KHDRBS2: variants seen among roughly 807,000 people sequenced by gnomAD.
The protein encoded by KHDRBS2 is KH domain-containing, RNA-binding, signal transduction-associated protein 2.
A neutral mutation model predicts 44.3 loss-of-function variants in KHDRBS2; 26 were observed. The ratio of observed to expected loss-of-function variants is 0.59; its 90% CI spans 0.43 to 0.81. KHDRBS2 has a LOEUF of 0.81. Among genes scored for constraint, KHDRBS2 ranks in the 40% least tolerant of loss-of-function variants. KHDRBS2 has a pLI of 0.00. For synonymous variants in KHDRBS2, 194 were observed against 151.1 expected (o/e 1.28, Z -2.08); for missense variants, 476 against 433.1 (o/e 1.10, Z -0.88).
intron 3 of KHDRBS2, among the ~76,000 whole-genome samples, chr6:62,014,910 T>C (rs16868805): frequency 0.14 from 21,571 of 152,144 alleles, 2,024 homozygotes; most frequent in East Asian, 0.26. Flanking sequence ...GGAAGATTCT[T>C]AATACACAAA....
At chr6:61,873,705 A>G (rs1468048200) in intron 6 of KHDRBS2, among the ~76,000 whole-genome samples, 12 of 151,948 alleles carry the variant, frequency 7.9e-5, no homozygotes, top group Admixed American at 7.9e-4. Flanking sequence ...TGATATTTTC[A>G]TTAGTGAAAA....
At chr6:61,979,906 C>A (rs980909863) in intron 3 of KHDRBS2, among the ~76,000 whole-genome samples, 1 of 152,028 alleles carries the variant, frequency 6.6e-6, no homozygotes, top group Non-Finnish European at 1.5e-5. Context: ...CTATTACTTC[C>A]TATGTTGATT....
intron 2 of KHDRBS2, among the ~76,000 whole-genome samples, chr6:62,133,336 T>C (rs1810782587): frequency 6.6e-6 from 1 of 152,178 alleles, no homozygotes; most frequent in Non-Finnish European, 1.5e-5. Context: ...TCATGAGATC[T>C]GATAGTTTTA....
At chr6:61,804,678 C>A (rs1786849939) in intron 6 of KHDRBS2, among the ~76,000 whole-genome samples, 5 of 152,200 alleles carry the variant, frequency 3.3e-5, no homozygotes, top group Admixed American at 3.3e-4. Context: ...GACCTGCAGT[C>A]CCCACACATG....
At chr6:61,746,032 AT>A (rs745482290) in intron 6 of KHDRBS2, among the ~76,000 whole-genome samples, 2 of 149,398 alleles carry the variant, frequency 1.3e-5, no homozygotes, top group Non-Finnish European at 3.0e-5. Context: ...TCCCAAAAAG[AT>A]TTTATTTTAT....
At chr6:62,136,383 G>A (rs1229855257) in intron 2 of KHDRBS2, among the ~76,000 whole-genome samples, 5 of 152,150 alleles carry the variant, frequency 3.3e-5, no homozygotes, top group Admixed American at 1.3e-4. Flanking sequence ...AGCTGAACAC[G>A]AGGCAGTTTC....
chr6:62,033,412 T>C (rs978246390), intron 3 of KHDRBS2, among the ~76,000 whole-genome samples: 19 of 151,902 alleles, frequency 1.3e-4, no homozygotes, highest in African/African-American at 4.1e-4. Flanking sequence ...TGAAGGCATT[T>C]AATAATTAAA....
intron 4 of KHDRBS2, among the ~76,000 whole-genome samples, chr6:61,911,390 C>A (rs1297180124): frequency 1.3e-5 from 2 of 151,900 alleles, no homozygotes; most frequent in Non-Finnish European, 2.9e-5. Context: ...AGTTAAAGTG[C>A]ATGTAGATGA....
chr6:61,718,512 T>C (rs1771815157), intron 7 of KHDRBS2, among the ~76,000 whole-genome samples: 1 of 152,104 alleles, frequency 6.6e-6, no homozygotes, highest in Non-Finnish European at 1.5e-5. Context: ...CTTGCCTCCA[T>C]CCTGTTCTCT....
At chr6:61,723,122 A>G (rs1372752451) in intron 7 of KHDRBS2, among the ~76,000 whole-genome samples, 2 of 151,924 alleles carry the variant, frequency 1.3e-5, no homozygotes, top group South Asian at 2.1e-4. Context: ...CAAGCAAACC[A>G]CAGCAGGACT....
chr6:61,841,375 A>ATGT (rs1793574552), intron 6 of KHDRBS2, among the ~76,000 whole-genome samples: 1 of 151,878 alleles, frequency 6.6e-6, no homozygotes, highest in Admixed American at 6.6e-5. Flanking sequence ...TATGACATAA[A>ATGT]ATAATTCAAC....
chr6:61,916,480 A>C (rs1437773731), intron 4 of KHDRBS2, among the ~76,000 whole-genome samples: 1 of 152,044 alleles, frequency 6.6e-6, no homozygotes, highest in Non-Finnish European at 1.5e-5. Flanking sequence ...AGTATTACAA[A>C]GGAACTTTTA....
At chr6:61,577,786 TG>T in the KHDRBS2 span, among the ~76,000 whole-genome samples, 1 of 152,212 alleles carries the variant, frequency 6.6e-6, no homozygotes. Context: ...GTAACTGTTC[TG>T]GGGCAGCTAA....
rs536414065 is a variant in KHDRBS2, at chr6:61,956,806, A to G, written c.483+21260T>C. On this transcript the variant is annotated intron_variant, in intron 4 of 8. Transcript: ENST00000281156. Reference sequence around the variant, plus strand: ...ATCTGTGCCTTAAACACGTTTTAAAATGCAAACAAATAATATCTCATTTGA... The same window carrying G: ...ATCTGTGCCTTAAACACGTTTTAAAGTGCAAACAAATAATATCTCATTTGA... Among the ~76,000 whole-genome samples, 7 of 152,288 alleles carry G rather than the reference A, an allele frequency of 4.6e-5. No individual in the cohort carries two copies. In the South Asian group the frequency reaches 1.5e-3, roughly 32 times the overall value.
intron 2 of KHDRBS2, among the ~76,000 whole-genome samples, chr6:62,065,458 A>T (rs1793383601): frequency 6.6e-6 from 1 of 152,008 alleles, no homozygotes; most frequent in African/African-American, 2.4e-5. Context: ...CACCCATAAA[A>T]AATGATGAGT....
At chr6:61,921,796 C>T (rs1241043222) in intron 4 of KHDRBS2, among the ~76,000 whole-genome samples, 1 of 151,948 alleles carries the variant, frequency 6.6e-6, no homozygotes, top group African/African-American at 2.4e-5. Context: ...CATTCTATTA[C>T]ATGGTTCCTT....
intron 1 of KHDRBS2, among the ~76,000 whole-genome samples, chr6:62,190,555 C>T (rs1034252240): frequency 6.6e-6 from 1 of 152,062 alleles, no homozygotes; most frequent in Admixed American, 6.6e-5. Context: ...TCACCCATTG[C>T]GATAATACAC....
chr6:61,950,382 A>G (rs1294022269), intron 4 of KHDRBS2, among the ~76,000 whole-genome samples: 4 of 152,004 alleles, frequency 2.6e-5, no homozygotes, highest in Non-Finnish European at 5.9e-5. Context: ...CTCAATTAAG[A>G]TAGTAGAATG....
the KHDRBS2 span, among the ~76,000 whole-genome samples, chr6:61,595,303 G>A: frequency 6.6e-6 from 1 of 152,012 alleles, no homozygotes; most frequent in South Asian, 2.1e-4. Flanking sequence ...CAACAACCAA[G>A]ATTTAGAAAC....
Sources: gnomAD v4.1 joint callset for allele counts (sites outside exome capture counted in the v4.1 genomes callset) on GRCh38, gnomAD v4.1.1 for gene constraint, MANE v1.5 for transcripts, NCBI Gene and HGNC (gene_info 2026-07-23, HGNC 2026-07-21) for gene names.